The following PHIP variants were observed in gnomAD, a reference collection of about 807,000 sequenced individuals.
The protein encoded by PHIP is PHIP subunit of CUL4-Ring ligase complex.
A neutral mutation model predicts 236.8 loss-of-function variants in PHIP; 54 were observed. The ratio of observed to expected loss-of-function variants is 0.23; its 90% confidence interval spans 0.18 to 0.29. The LOEUF is 0.29. Ranked by LOEUF, PHIP falls within the 10% of genes least tolerant of loss-of-function variation. PHIP has a pLI of 1.00. For missense variants in PHIP, 1,370 were observed against 2,190.8 expected (o/e 0.63, Z 7.48); for synonymous variants, 756 against 718.9 (o/e 1.05, Z -0.83).
chr6:78,980,025 G>A (rs1314148005), intron 23 of PHIP, among the ~76,000 whole-genome samples: 4 of 151,980 alleles, frequency 2.6e-5, no homozygotes, highest in African/African-American at 4.8e-5. Context: ...GGAATTTACT[G>A]TACGTGAGAT....
At chr6:79,004,990 A>T (rs1347731969) in intron 15 of PHIP, among the ~76,000 whole-genome samples, 2 of 152,048 alleles carry the variant, frequency 1.3e-5, no homozygotes, top group Non-Finnish European at 1.5e-5. Flanking sequence ...CACAAATGGG[A>T]CTGCCTCAAA....
Position 78,945,992 on chromosome 6 carries a change from G to C in PHIP, c.4630+9C>G, listed in dbSNP as rs1370955102. Reference sequence around the variant, plus strand: ...TCATATACATTTCAATTTAGAAAGTGAGTCTTACTTGTTTTCCCTGGTATT... The same window carrying C: ...TCATATACATTTCAATTTAGAAAGTCAGTCTTACTTGTTTTCCCTGGTATT... On this transcript the variant is annotated intron_variant, in intron 38 of 39. Transcript: ENST00000275034. 1 of 1,587,236 alleles carries C rather than the reference G, an allele frequency of 6.3e-7. No homozygotes were observed. The highest frequency in any genetic ancestry group is 8.6e-7 in the Non-Finnish European group (1 of 1,156,948).
In PHIP at chr6:78,970,214, T is replaced by C. The variant is rs756364445; in HGVS notation, c.2998-41A>G. The C allele has an allele frequency of 4.2e-5, 66 of 1,568,846 alleles. 1 individual carries two copies. In the South Asian group the frequency reaches 5.9e-4, roughly 14 times the overall value. On this transcript the variant is annotated intron_variant, in intron 25 of 39. Coordinates refer to ENST00000275034, the MANE Select transcript of PHIP (RefSeq NM_017934.7). ...AATATAAGGAACCATCTTTACAAAATAAACCACAAAATAGACTGCTAAACA... is the reference window on the plus strand; with the variant it reads ...AATATAAGGAACCATCTTTACAAAACAAACCACAAAATAGACTGCTAAACA...
intron 6 of PHIP, among the ~76,000 whole-genome samples, chr6:79,055,121 T>C (rs1160884478): frequency 6.6e-6 from 1 of 151,886 alleles, no homozygotes; most frequent in African/African-American, 2.4e-5. Flanking sequence ...CACAGACAAG[T>C]AAAATAAAAA....
intron 6 of PHIP, among the ~76,000 whole-genome samples, chr6:79,052,390 G>T (rs931171134): frequency 6.6e-6 from 1 of 152,150 alleles, no homozygotes; most frequent in African/African-American, 2.4e-5. Flanking sequence ...TAGAGAAAGG[G>T]CAAGTGTCAA....
intron 35 of PHIP, among the ~76,000 whole-genome samples, chr6:78,953,256 T>TC (rs1766175857): frequency 6.6e-6 from 1 of 152,184 alleles, no homozygotes; most frequent in Non-Finnish European, 1.5e-5. Context: ...GTACAGTTCT[T>TC]CAATATTTCT....
intron 35 of PHIP, among the ~76,000 whole-genome samples, chr6:78,953,828 C>T (rs1311471682): frequency 2.0e-5 from 3 of 152,010 alleles, no homozygotes; most frequent in East Asian, 1.9e-4. Flanking sequence ...TCAGGTGATC[C>T]GCCTGCCTTG....
chr6:79,005,262 A>T (rs940502171), intron 15 of PHIP, among the ~76,000 whole-genome samples: 1 of 152,028 alleles, frequency 6.6e-6, no homozygotes, highest in East Asian at 1.9e-4. Flanking sequence ...TAGGAGAAGA[A>T]GGTAACTGAT....
At chr6:79,066,769 T>C (rs896423063) in intron 4 of PHIP, among the ~76,000 whole-genome samples, 10 of 152,206 alleles carry the variant, frequency 6.6e-5, no homozygotes, top group African/African-American at 2.4e-4. Flanking sequence ...TAATTTAAAA[T>C]TAGAAAGTAA....
chr6:78,941,021 C>T lies in PHIP; in HGVS notation c.5138G>A (p.Gly1713Asp), dbSNP rs1381371430. Reference protein sequence around the residue: ...EDLLQKKNRGGRKPKRKMKTQ... With the variant: ...EDLLQKKNRGDRKPKRKMKTQ... Reference sequence around the variant, plus strand: ...CTTCATCTTCCTTTTGGGCTTCCTACCTCCACGATTCTTTTTCTGTAACAA... The same window carrying T: ...CTTCATCTTCCTTTTGGGCTTCCTATCTCCACGATTCTTTTTCTGTAACAA... The change falls in exon 40 of 40, where the codon GGT (glycine) becomes GAT (aspartate). Residue 1713 changes from glycine to aspartate, a missense_variant. This residue lies in a region of PHIP where 309 missense variants were observed against 328.3 expected (regional missense o/e 0.94). Transcript: ENST00000275034. The T allele has an allele frequency of 1.9e-6, 3 of 1,613,836 alleles. No homozygotes were observed. Among genetic ancestry groups the T allele is most frequent in the Non-Finnish European group, 2.5e-6 (3 of 1,179,784 alleles).
At chr6:78,966,475 C>CA (rs1460453134) in intron 27 of PHIP, among the ~76,000 whole-genome samples, 3 of 152,138 alleles carry the variant, frequency 2.0e-5, no homozygotes, top group African/African-American at 7.2e-5. Flanking sequence ...AACCAACAAT[C>CA]AATCAAGACT....
intron 21 of PHIP, among the ~76,000 whole-genome samples, 170 bp from the exon 22 acceptor site, chr6:78,985,598 T>C (rs1197418425): frequency 6.6e-6 from 1 of 152,220 alleles, no homozygotes; most frequent in Non-Finnish European, 1.5e-5. Flanking sequence ...CCCAACACTT[T>C]GAGAGGTCAA....
intron 20 of PHIP, among the ~76,000 whole-genome samples, chr6:78,990,539 T>C (rs1044833853): frequency 1.3e-5 from 2 of 151,970 alleles, no homozygotes; most frequent in African/African-American, 4.8e-5. Flanking sequence ...TAGAAAAACA[T>C]AACAAAATGC....
rs1203134887 is a variant in PHIP at position 78,938,568 on chromosome 6, T to C, written c.*2125A>G. The stretch of plus-strand genomic sequence containing the variant: ...ACTAATTAATGACAAATTTCAAACA[T>C]ACACTATTATTTTCAAGAATGGTGT... On this transcript the variant is annotated 3_prime_UTR_variant, in exon 40 of 40. Transcript: ENST00000275034. The C allele has an allele frequency of 6.6e-6, 1 of 151,670 alleles. No individual in the cohort carries two copies. The highest frequency in any genetic ancestry group is 2.4e-5 in the African/African-American group (1 of 41,422). The allele number at this position is 151,670 out of a possible 1,614,324, so 9.4% of individuals were successfully genotyped here. A position where few individuals can be genotyped will look rare whatever the true frequency, so the allele number is the denominator to read the frequency against.
At chr6:78,975,582 T>C (rs1767993177) in intron 24 of PHIP, among the ~76,000 whole-genome samples, 1 of 152,172 alleles carries the variant, frequency 6.6e-6, no homozygotes, top group South Asian at 2.1e-4. Context: ...GGAAGTCAAA[T>C]TGTCCCTGTT....
chr6:78,946,965 A>C (rs913307285), intron 36 of PHIP, 91 bp from the exon 37 acceptor site: 10 of 701,130 alleles, frequency 1.4e-5, no homozygotes, highest in Non-Finnish European at 2.3e-5. Context: ...TTTCCAGTAA[A>C]AAATATTTAG....
Position 78,940,692 on chromosome 6 carries a change from G to T in PHIP, c.*1C>A. On this transcript the variant is annotated 3_prime_UTR_variant, in exon 40 of 40. Coordinates refer to ENST00000275034, the MANE Select transcript of PHIP (RefSeq NM_017934.7). ...TTTGAAGTAAAATATTTTGGTACAA[G>T]TTACCAACCAATTAAATTAGCTTTT... is the stretch of plus-strand genomic sequence containing the variant. 2 of 1,599,336 alleles carry T rather than the reference G, an allele frequency of 1.3e-6. No individual in the cohort carries two copies. Among genetic ancestry groups the T allele is most frequent in the Non-Finnish European group, 1.7e-6 (2 of 1,170,174 alleles).
At chr6:78,958,422 T>C (rs1766567146) in intron 32 of PHIP, 53 bp downstream of exon 32, 2 of 1,116,566 alleles carry the variant, frequency 1.8e-6, no homozygotes, top group Non-Finnish European at 2.7e-6. Flanking sequence ...AGAGGAACTG[T>C]AGTGCCATTA....
chr6:79,066,302 A>G (rs1415311209), intron 4 of PHIP, among the ~76,000 whole-genome samples: 2 of 152,184 alleles, frequency 1.3e-5, no homozygotes, highest in Admixed American at 1.3e-4. Context: ...GCCAGGCCCT[A>G]TGGTAAGTGT....
Sources: gnomAD v4.1 joint callset for allele counts (sites outside exome capture counted in the v4.1 genomes callset) on GRCh38, gnomAD v4.1.1 for gene constraint, gnomAD v4.1.1 regional missense constraint, MANE v1.5 for transcripts, NCBI Gene and HGNC (gene_info 2026-07-23, HGNC 2026-07-21) for gene names.